CPXM2: variants seen among roughly 807,000 people sequenced by gnomAD.
CPXM2 encodes the protein inactive carboxypeptidase-like protein X2.
A neutral mutation model predicts 86.1 loss-of-function variants in CPXM2; 66 were observed. The ratio of observed to expected loss-of-function variants is 0.77; its 90% CI spans 0.63 to 0.94. The LOEUF is 0.94. Ranked by LOEUF, CPXM2 falls within the 40% of genes least tolerant of loss-of-function variation. The pLI is 0.00. For missense variants in CPXM2, 948 were observed against 1,026.3 expected, an observed-to-expected ratio of 0.92 and a Z score of 1.04; for synonymous variants, 388 against 400.2, an observed-to-expected ratio of 0.97 and a Z score of 0.36.
chr10:123,939,285 A>C (rs999887899), intron 2 of CPXM2, among the ~76,000 whole-genome samples: 1 of 152,166 alleles, frequency 6.6e-6, no homozygotes, highest in Non-Finnish European at 1.5e-5. Context: ...CACATATTTA[A>C]AGTAAACTAG....
chr10:123,752,733 T>C lies in CPXM2; in HGVS notation c.2017+1930A>G, dbSNP rs144328657. 2.4e-3 allele frequency: 984 copies of C among 413,798 alleles called. 5 individuals are homozygous for C. Among genetic ancestry groups the C allele is most frequent in the Admixed American group, 9.8e-3 (153 of 15,594 alleles). 25.6% of individuals were successfully genotyped at this position (413,798 alleles called of 1,614,324 possible). A position where few individuals can be genotyped will look rare whatever the true frequency, so the allele number is the denominator to read the frequency against. ...AGATTTGAAGTCTCCAGTGCTTGGC[T>C]CAAATCATAGCTCTGCCACTCACTG... On this transcript the variant is annotated intron_variant, in intron 13 of 13. Coordinates refer to ENST00000241305, the MANE Select transcript of CPXM2 (RefSeq NM_198148.3).
Position 123,861,429 on chromosome 10 carries a change from C to T in CPXM2, c.513+1185G>A, listed in dbSNP as rs181716350. 1.1e-4 allele frequency among the ~76,000 whole-genome samples: 17 copies of T among 152,208 alleles called. 2 individuals carry two copies. In the South Asian group the frequency reaches 3.3e-3, roughly 30 times the overall value. On this transcript the variant is annotated intron_variant, in intron 3 of 13. Coordinates refer to ENST00000241305, the MANE Select transcript of CPXM2 (RefSeq NM_198148.3). ...GGAACAAAATGCCCTGGGGATGGGG[C>T]GGCAGAATAACTCCTACCCAAAGAT...
intron 7 of CPXM2, among the ~76,000 whole-genome samples, chr10:123,778,443 C>G (rs1464529016): frequency 6.6e-6 from 1 of 152,184 alleles, no homozygotes; most frequent in East Asian, 1.9e-4. Flanking sequence ...AACTGCTGAG[C>G]TGTGGGATCG....
Position 123,746,565 on chromosome 10 carries a change from T to G in CPXM2, c.*199A>C. ...TTCTCTGCTGCTCTGTCCAAGTTAT[T>G]TGGATAAATGGGAACAAAGAAAAGA... On this transcript the variant is annotated 3_prime_UTR_variant, in exon 14 of 14. Coordinates refer to ENST00000241305, the MANE Select transcript of CPXM2 (RefSeq NM_198148.3). 1 of 615,386 alleles carries G rather than the reference T, an allele frequency of 1.6e-6. No individual in the cohort carries two copies. Among genetic ancestry groups the G allele is most frequent in the Non-Finnish European group, 2.8e-6 (1 of 353,096 alleles). 38.1% of individuals were successfully genotyped at this position (615,386 alleles called of 1,614,324 possible).
intron 2 of CPXM2, among the ~76,000 whole-genome samples, chr10:123,910,981 A>C (rs1013291962): frequency 2.0e-5 from 3 of 148,068 alleles, no homozygotes; most frequent in Non-Finnish European, 4.5e-5. Context: ...TCCACATGGC[A>C]CTCCCCTCGT....
At chr10:123,889,645 C>A (rs1225229928) in intron 1 of CPXM2, among the ~76,000 whole-genome samples, 1 of 152,222 alleles carries the variant, frequency 6.6e-6, no homozygotes, top group Admixed American at 6.5e-5. Flanking sequence ...AAGGTTTTTA[C>A]AGCAATTGAC....
In CPXM2 at chr10:123,934,981, G is replaced by A. The variant is rs545365434; in HGVS notation, n.174+4496C>T. 3.3e-5 allele frequency among the ~76,000 whole-genome samples: 5 copies of A among 152,264 alleles called. No homozygotes were observed. The East Asian group carries it at 7.7e-4, about 24-fold the overall frequency. ...AGCACCCAAGGCTGTCTTTGGGTAC[G>A]ACCTAGCCAGGAAGTTCTTAGTTGT... On this transcript the variant is annotated intron_variant and non_coding_transcript_variant, in intron 2 of 19. Coordinates refer to the CPXM2 transcript ENST00000368854.
chr10:123,767,817 C>T (rs917097299), intron 9 of CPXM2, among the ~76,000 whole-genome samples: 10 of 151,962 alleles, frequency 6.6e-5, no homozygotes, highest in Admixed American at 6.6e-5. Context: ...ATGTAAAGAA[C>T]GTATCAGAAT....
chr10:123,899,867 G>A (rs1004514067), intron 2 of CPXM2, among the ~76,000 whole-genome samples: 5 of 152,014 alleles, frequency 3.3e-5, no homozygotes, highest in African/African-American at 9.7e-5. Flanking sequence ...CTAGAGATGA[G>A]GAAAAACTTG....
chr10:123,852,115 G>A (rs769242679), intron 3 of CPXM2, among the ~76,000 whole-genome samples: 5 of 152,170 alleles, frequency 3.3e-5, no homozygotes, highest in Admixed American at 6.5e-5. Flanking sequence ...AGAATTGTGA[G>A]AGAATCAGTG....
At chr10:123,902,987 T>G (rs1221649873) in intron 2 of CPXM2, among the ~76,000 whole-genome samples, 1 of 152,218 alleles carries the variant, frequency 6.6e-6, no homozygotes, top group Non-Finnish European at 1.5e-5. Context: ...TGCCACCACC[T>G]GGAGTACCCT....
At chr10:123,883,858 G>A (rs1331718392) in intron 1 of CPXM2, among the ~76,000 whole-genome samples, 1 of 152,168 alleles carries the variant, frequency 6.6e-6, no homozygotes, top group African/African-American at 2.4e-5. Context: ...TATGGTCCAT[G>A]CAGATGAAAG....
chr10:123,894,670 G>A (rs28605615), upstream of CPXM2, among the ~76,000 whole-genome samples: 29,970 of 152,118 alleles, frequency 0.2, 3,158 homozygotes, highest in Middle Eastern at 0.33. Flanking sequence ...GCCTGGGAGG[G>A]TCCTGCGTTC....
chr10:123,873,161 C>CA (rs982003768), intron 2 of CPXM2, among the ~76,000 whole-genome samples: 32 of 151,982 alleles, frequency 2.1e-4, no homozygotes, highest in African/African-American at 7.5e-4. Context: ...ACTTAAATAT[C>CA]AAATAATATG....
chr10:123,791,244 T>C (rs73364753), intron 6 of CPXM2, among the ~76,000 whole-genome samples: 11,624 of 152,118 alleles, frequency 0.076, 754 homozygotes, highest in African/African-American at 0.18. Flanking sequence ...AGAAACCCCA[T>C]CTCTACTACA....
intron 2 of CPXM2, among the ~76,000 whole-genome samples, chr10:123,911,693 A>T (rs931068901): frequency 6.6e-6 from 1 of 151,824 alleles, no homozygotes; most frequent in Non-Finnish European, 1.5e-5. Flanking sequence ...AAACTCCAGA[A>T]AGTCACATGG....
At chr10:123,781,192 G>A (rs983416993) in intron 6 of CPXM2, among the ~76,000 whole-genome samples, 1 of 152,232 alleles carries the variant, frequency 6.6e-6, no homozygotes. Context: ...ACCCTGGCGG[G>A]TATAATCAGA....
At chr10:123,818,362 A>C (rs1590034032) in intron 4 of CPXM2, among the ~76,000 whole-genome samples, 1 of 152,212 alleles carries the variant, frequency 6.6e-6, no homozygotes, top group African/African-American at 2.4e-5. Flanking sequence ...TGAGTACCCA[A>C]TTTGCCAGCA....
At chr10:123,882,676 A>C (rs944461287) in intron 1 of CPXM2, among the ~76,000 whole-genome samples, 1 of 152,090 alleles carries the variant, frequency 6.6e-6, no homozygotes, top group African/African-American at 2.4e-5. Flanking sequence ...TGGGGCCTCC[A>C]TGGAACAGGC....
Sources: allele counts gnomAD v4.1 joint callset (sites outside exome capture counted in the v4.1 genomes callset), GRCh38; gene constraint gnomAD v4.1.1; transcripts MANE v1.5; gene names NCBI Gene and HGNC (gene_info 2026-07-23, HGNC 2026-07-21).